PRKN: variants seen among roughly 807,000 people sequenced by gnomAD.
PRKN encodes parkin RBR E3 ubiquitin protein ligase, also known as E3 ubiquitin-protein ligase parkin.
A neutral mutation model predicts 59.5 loss-of-function variants in PRKN; 56 were observed. The observed-to-expected ratio is 0.94, with a 90% CI of 0.76 to 1.18. The LOEUF (loss-of-function observed/expected upper bound fraction) is 1.18, where lower values mean the gene tolerates loss of function less well. PRKN is among the 50% of genes most tolerant of loss of function. The probability of loss-of-function intolerance (pLI) is 0.00; values close to 1 mark genes in which losing one functional copy is unlikely to be tolerated. For missense variants in PRKN, 657 were observed against 596.4 expected (o/e 1.10, Z -1.06); for synonymous variants, 250 against 222.1 (o/e 1.13, Z -1.12).
rs1778270705 is a variant in PRKN at position 162,526,098 on chromosome 6, C to T, written c.8-82625G>A. On this transcript the variant is annotated intron_variant, in intron 1 of 11. Coordinates refer to ENST00000366898, the MANE Select transcript of PRKN (RefSeq NM_004562.3). ...GCTCAAGCGATCCGCCTGCCTTGGC[C>T]TCCCAAAGTGCAGGGATTACAGGCA... 2.0e-5 allele frequency among the ~76,000 whole-genome samples: 3 copies of T among 152,094 alleles called. No homozygotes were observed. The South Asian group carries it at 6.2e-4, about 31-fold the overall frequency.
chr6:162,484,127 G>A (rs1223983625), intron 1 of PRKN, among the ~76,000 whole-genome samples: 2 of 152,160 alleles, frequency 1.3e-5, no homozygotes, highest in East Asian at 3.8e-4. Context: ...TAATATAAAG[G>A]AACTGGCTGT....
chr6:161,785,447 C>T (rs1300126251), intron 7 of PRKN, among the ~76,000 whole-genome samples: 2 of 152,116 alleles, frequency 1.3e-5, no homozygotes, highest in East Asian at 1.9e-4. Context: ...TTAGGTAATA[C>T]TGCTCTAGTT....
chr6:162,525,549 T>A (rs1029779640), intron 1 of PRKN, among the ~76,000 whole-genome samples: 1 of 152,124 alleles, frequency 6.6e-6, no homozygotes, highest in Non-Finnish European at 1.5e-5. Flanking sequence ...CTCCCACAAT[T>A]CCAATTTCCC....
intron 1 of PRKN, among the ~76,000 whole-genome samples, chr6:162,533,322 G>A (rs144275552): frequency 1.3e-5 from 2 of 152,254 alleles, no homozygotes; most frequent in African/African-American, 2.4e-5. Context: ...TCAGGAGTTC[G>A]AGACCAGCAT....
intron 4 of PRKN, among the ~76,000 whole-genome samples, chr6:162,127,638 G>C (rs1781175697): frequency 6.6e-6 from 1 of 152,140 alleles, no homozygotes; most frequent in Non-Finnish European, 1.5e-5. Context: ...GCATCGTTGA[G>C]TCATAGGGAA....
At chr6:161,532,164 C>CTA (rs770823196) in intron 9 of PRKN, among the ~76,000 whole-genome samples, 431 of 67,928 alleles carry the variant, frequency 6.3e-3, no homozygotes, top group South Asian at 0.012. Context: ...CTCTCTCTCT[C>CTA]TCTATATATA....
chr6:161,748,448 A>G (rs1470705099), intron 7 of PRKN, among the ~76,000 whole-genome samples: 1 of 152,094 alleles, frequency 6.6e-6, no homozygotes, highest in African/African-American at 2.4e-5. Flanking sequence ...CATGAAACTA[A>G]TCTAAAGAAA....
chr6:162,051,098 C>T (rs574429432), intron 5 of PRKN, among the ~76,000 whole-genome samples: 1 of 152,268 alleles, frequency 6.6e-6, no homozygotes, highest in African/African-American at 2.4e-5. Context: ...GCACCAGGAT[C>T]TCCTATGCAA....
At chr6:162,003,436 G>C (rs1782135393) in intron 5 of PRKN, among the ~76,000 whole-genome samples, 1 of 152,028 alleles carries the variant, frequency 6.6e-6, no homozygotes, top group Non-Finnish European at 1.5e-5. Flanking sequence ...GGATGCTTAG[G>C]TTCTCAGGAA....
chr6:162,417,728 C>CT (rs549863121), intron 2 of PRKN, among the ~76,000 whole-genome samples: 1 of 152,202 alleles, frequency 6.6e-6, no homozygotes, highest in Admixed American at 6.5e-5. Flanking sequence ...ACGTTTATGG[C>CT]TTTCGGTTTC....
At chr6:162,083,897 G>A (rs1779157538) in intron 4 of PRKN, among the ~76,000 whole-genome samples, 1 of 151,940 alleles carries the variant, frequency 6.6e-6, no homozygotes, top group Admixed American at 6.6e-5. Context: ...AAATAGAAAA[G>A]TTGGTATTTC....
intron 1 of PRKN, among the ~76,000 whole-genome samples, chr6:162,562,401 C>A (rs1779880663): frequency 6.6e-6 from 1 of 152,096 alleles, no homozygotes; most frequent in South Asian, 2.1e-4. Context: ...TCTTGGGGTC[C>A]CCAGTTCCAG....
At position 161,879,316 on chromosome 6, in the gene PRKN, T is replaced by C. The variant is rs1006331601; in HGVS notation, c.735-93408A>G. 4.0e-5 allele frequency among the ~76,000 whole-genome samples: 6 copies of C among 151,580 alleles called. No individual in the cohort carries two copies. The East Asian group carries it at 1.2e-3, about 29-fold the overall frequency. On this transcript the variant is annotated intron_variant, in intron 6 of 11. Coordinates refer to ENST00000366898, the MANE Select transcript of PRKN (RefSeq NM_004562.3). ...GGAAGTGGCCAGGACAGGGACATTC[T>C]GTATGGTCATTATGACATTTCTGCC...
intron 1 of PRKN, among the ~76,000 whole-genome samples, chr6:162,532,299 G>GCA (rs1463531342): frequency 1.3e-5 from 2 of 152,128 alleles, no homozygotes; most frequent in Admixed American, 1.3e-4. Flanking sequence ...ATATATGCAC[G>GCA]CACACAAGCA....
At chr6:162,230,904 CTTCT>C (rs979087805) in intron 3 of PRKN, among the ~76,000 whole-genome samples, 9 of 152,276 alleles carry the variant, frequency 5.9e-5, no homozygotes, top group South Asian at 2.1e-4. Context: ...GCTTTCTGAT[CTTCT>C]TTCTATCTCA....
At chr6:161,568,649 C>T (rs970281557) in intron 8 of PRKN, among the ~76,000 whole-genome samples, 1 of 151,972 alleles carries the variant, frequency 6.6e-6, no homozygotes, top group Non-Finnish European at 1.5e-5. Context: ...CAGCCTTTTG[C>T]CAACTCTTTA....
chr6:162,675,295 C>G (rs541361525), intron 1 of PRKN, among the ~76,000 whole-genome samples: 1 of 152,008 alleles, frequency 6.6e-6, no homozygotes, highest in Non-Finnish European at 1.5e-5. Flanking sequence ...TGATCCCCCC[C>G]GCCTCGGCCT....
intron 6 of PRKN, among the ~76,000 whole-genome samples, chr6:161,909,832 C>T (rs1393658938): frequency 1.3e-5 from 2 of 152,178 alleles, no homozygotes; most frequent in Non-Finnish European, 2.9e-5. Context: ...GGAGTCAATG[C>T]TTTCATGACC....
intron 7 of PRKN, among the ~76,000 whole-genome samples, chr6:161,659,660 G>T (rs1784474088): frequency 6.6e-6 from 1 of 152,156 alleles, no homozygotes; most frequent in African/African-American, 2.4e-5. Context: ...ACAAAAGCAG[G>T]TGGGCAACGG....
Sources: gnomAD v4.1 joint callset for allele counts (sites outside exome capture counted in the v4.1 genomes callset) on GRCh38, gnomAD v4.1.1 for gene constraint, MANE v1.5 for transcripts, NCBI Gene and HGNC (gene_info 2026-07-23, HGNC 2026-07-21) for gene names.